The following PFKP variants were observed in gnomAD, a reference collection of about 807,000 sequenced individuals.
The protein encoded by PFKP is phosphofructokinase, platelet, also known as ATP-dependent 6-phosphofructokinase, platelet type.
In PFKP, 101 loss-of-function variants were observed where a neutral mutation model predicts 94.3. That is an observed-to-expected ratio of 1.07 (90% CI 0.91 to 1.26). The LOEUF (loss-of-function observed/expected upper bound fraction) is 1.26. PFKP is among the 50% of genes most tolerant of loss of function. The pLI, the probability that PFKP is intolerant of heterozygous loss-of-function variation, is 0.00. For synonymous variants in PFKP, 573 were observed against 432.6 expected (o/e 1.32, Z -4.03); for missense variants, 1,145 against 1,103.3 (o/e 1.04, Z -0.53).
rs1837234246 is a variant in PFKP at position 3,119,947 on chromosome 10, G to C, written c.1586G>C (p.Cys529Ser). 1.2e-6 allele frequency: 2 copies of C among 1,614,118 alleles called. No homozygotes were observed. The highest frequency in any genetic ancestry group is 1.7e-6 in the Non-Finnish European group (2 of 1,180,004). Reference protein sequence around the residue: ...SAAREKHEEFCVPMVMVPATV... With the variant: ...SAAREKHEEFSVPMVMVPATV... Reference sequence around the variant, plus strand: ...GCCCGGGAGAAGCACGAGGAGTTCTGTGTCCCCATGGTCATGGTTCCCGCT... The same window carrying C: ...GCCCGGGAGAAGCACGAGGAGTTCTCTGTCCCCATGGTCATGGTTCCCGCT... The change falls in exon 16 of 22, where the codon TGT (cysteine) becomes TCT (serine). Residue 529 changes from cysteine (C) to serine (S), a missense_variant. Transcript: ENST00000381125.
Position 3,091,979 on chromosome 10 carries a change from G to A in PFKP, c.187-7296G>A, listed in dbSNP as rs555141143. ...ATTAAAAATAACACATTCAAAAGGT[G>A]TCAGATAAGTGATGCCTTTTTATGT... On this transcript the variant is annotated intron_variant, in intron 2 of 21. Coordinates refer to ENST00000381125, the MANE Select transcript of PFKP (RefSeq NM_002627.5). Among the ~76,000 whole-genome samples the A allele has an allele frequency of 5.9e-5, 9 of 152,256 alleles. No homozygotes were observed. The East Asian group carries it at 1.5e-3, about 26-fold the overall frequency.
chr10:3,069,540 A>G (rs2131365090), intron 1 of PFKP, among the ~76,000 whole-genome samples: 1 of 152,230 alleles, frequency 6.6e-6, no homozygotes, highest in African/African-American at 2.4e-5. Context: ...TGATCTCTGG[A>G]AGCCACCAGG....
intron 2 of PFKP, among the ~76,000 whole-genome samples, chr10:3,092,557 T>TA (rs1300008212): frequency 6.6e-6 from 1 of 152,112 alleles, no homozygotes. Context: ...GGGTTGAAGT[T>TA]AAAAATACCC....
At chr10:3,135,398 T>G (rs191390533) in intron 20 of PFKP, among the ~76,000 whole-genome samples, 1 of 135,180 alleles carries the variant, frequency 7.4e-6, no homozygotes, top group African/African-American at 2.8e-5. Flanking sequence ...TAGCTATGGA[T>G]GCTTTTTGCC....
chr10:3,082,544 C>A, intron 2 of PFKP, 83 bp downstream of exon 2: 1 of 941,746 alleles, frequency 1.1e-6, no homozygotes, highest in Non-Finnish European at 1.6e-6. Flanking sequence ...TCACCCCTGC[C>A]TCCCCCATGC....
At chr10:3,075,622 C>G (rs1832518425) in intron 1 of PFKP, among the ~76,000 whole-genome samples, 1 of 147,822 alleles carries the variant, frequency 6.8e-6, no homozygotes, top group South Asian at 2.3e-4. Context: ...GTGGGGGACT[C>G]TGGGTGCCAA....
At chr10:3,109,627 A>G in intron 10 of PFKP, 147 bp downstream of exon 10, 2 of 969,552 alleles carry the variant, frequency 2.1e-6, no homozygotes, top group Non-Finnish European at 3.1e-6. Context: ...GCCCGTGGGG[A>G]GGGAGAAGGC....
intron 2 of PFKP, among the ~76,000 whole-genome samples, chr10:3,092,875 G>C (rs1834156168): frequency 3.3e-5 from 5 of 152,170 alleles, no homozygotes; most frequent in Admixed American, 3.3e-4. Context: ...GAGGAAAGGG[G>C]TGTGGGGGAC....
At chr10:3,117,389 T>C (rs957272169) in intron 14 of PFKP, among the ~76,000 whole-genome samples, 13 of 152,258 alleles carry the variant, frequency 8.5e-5, no homozygotes, top group African/African-American at 3.1e-4. Flanking sequence ...AGATGAAGCC[T>C]GAGTAATTCT....
intron 2 of PFKP, among the ~76,000 whole-genome samples, chr10:3,097,692 A>G (rs1022066805): frequency 1.3e-5 from 2 of 152,110 alleles, no homozygotes; most frequent in African/African-American, 4.8e-5. Flanking sequence ...TGTTTATTAC[A>G]TGTATGACAC....
At chr10:3,109,592 G>T in intron 10 of PFKP, 112 bp downstream of exon 10, 1 of 1,330,584 alleles carries the variant, frequency 7.5e-7, no homozygotes, top group Non-Finnish European at 1.0e-6. Flanking sequence ...TGCATTACAC[G>T]GCCTTTCTGA....
At chr10:3,132,702 A>G (rs954638768) in intron 18 of PFKP, among the ~76,000 whole-genome samples, 22 of 152,144 alleles carry the variant, frequency 1.4e-4, no homozygotes, top group African/African-American at 5.3e-4. Flanking sequence ...GATGTTTATG[A>G]AGAAAGAAGG....
chr10:3,125,628 CAG>C (rs1196064298), intron 16 of PFKP, among the ~76,000 whole-genome samples: 2 of 152,218 alleles, frequency 1.3e-5, no homozygotes, highest in Non-Finnish European at 2.9e-5. Context: ...AGCTCCAGGA[CAG>C]AGCCGTACCC....
rs1230894115 is a variant in PFKP, at chr10:3,067,752, A to ACGGACG, written c.112+45_112+46insCGGACG. The ACGGACG allele has an allele frequency of 1.8e-3, 1,974 of 1,069,108 alleles. 36 individuals carry two copies. Among genetic ancestry groups the ACGGACG allele is most frequent in the East Asian group, 7.9e-3 (240 of 30,518 alleles). The allele number at this position is 1,069,108 out of a possible 1,614,324, so 66.2% of individuals were successfully genotyped here. ...CGGCGAGGGAGGGACGGACGGACGG[A>ACGGACG]GCTGGGGAGAACCGGGCGAAGGCGA... On this transcript the variant is annotated intron_variant, in intron 1 of 21. Coordinates refer to ENST00000381125, the MANE Select transcript of PFKP (RefSeq NM_002627.5).
intron 13 of PFKP, among the ~76,000 whole-genome samples, chr10:3,116,331 C>T (rs767189473): frequency 3.3e-5 from 5 of 152,206 alleles, no homozygotes; most frequent in Non-Finnish European, 7.3e-5. Context: ...TCCTGCAGTC[C>T]TGCCGTCCTC....
At chr10:3,122,989 G>A (rs953675279) in intron 16 of PFKP, among the ~76,000 whole-genome samples, 7 of 152,304 alleles carry the variant, frequency 4.6e-5, no homozygotes, top group Non-Finnish European at 8.8e-5. Context: ...AGCCCTGGGC[G>A]GGGCTGATGT....
At chr10:3,118,668 C>T (rs922288549) in intron 14 of PFKP, 114 bp from the exon 15 acceptor site, 5 of 667,384 alleles carry the variant, frequency 7.5e-6, no homozygotes, top group African/African-American at 1.8e-5. Flanking sequence ...GTTTACCGCT[C>T]CTTAATTAAA....
intron 2 of PFKP, among the ~76,000 whole-genome samples, chr10:3,093,933 G>T (rs376494310): frequency 2.0e-5 from 3 of 152,172 alleles, no homozygotes; most frequent in African/African-American, 7.2e-5. Context: ...GTGAGCCACC[G>T]CATCTGTCGT....
chr10:3,097,035 G>A (rs1588450594), intron 2 of PFKP, among the ~76,000 whole-genome samples: 4 of 113,330 alleles, frequency 3.5e-5, no homozygotes, highest in Admixed American at 3.4e-4. Flanking sequence ...CCAAGATCAC[G>A]CCACTGCACT....
Sources: gnomAD v4.1 joint callset for allele counts (sites outside exome capture counted in the v4.1 genomes callset) on GRCh38, gnomAD v4.1.1 for gene constraint, MANE v1.5 for transcripts, NCBI Gene and HGNC (gene_info 2026-07-23, HGNC 2026-07-21) for gene names.